ENTREP2: variants seen among roughly 807,000 people sequenced by gnomAD.
The protein encoded by ENTREP2 is endosomal transmembrane epsin interactor 2.
chr15:29,440,987 C>T, the ENTREP2 span, among the ~76,000 whole-genome samples: 1 of 152,142 alleles, frequency 6.6e-6, no homozygotes, highest in Non-Finnish European at 1.5e-5. Flanking sequence ...CCCAAAAGAA[C>T]AAAAGAAGGG....
At chr15:29,646,103 A>G in the ENTREP2 span, among the ~76,000 whole-genome samples, 4 of 152,226 alleles carry the variant, frequency 2.6e-5, no homozygotes, top group Non-Finnish European at 5.9e-5. Context: ...AGGCCATAAG[A>G]GTGCTTGGCT....
chr15:29,406,510 TG>T, the ENTREP2 span, among the ~76,000 whole-genome samples: 4 of 151,980 alleles, frequency 2.6e-5, no homozygotes, highest in Admixed American at 1.3e-4. Context: ...ATCATGCCAC[TG>T]CACTCCAGCC....
At chr15:29,300,423 A>ATGGATGGATGGATGGATGGC in the ENTREP2 span, among the ~76,000 whole-genome samples, 1 of 149,406 alleles carries the variant, frequency 6.7e-6, no homozygotes, top group African/African-American at 2.6e-5. Flanking sequence ...GGATGGATGG[A>ATGGATGGATGGATGGATGGC]TGGATGGATG....
At chr15:29,600,902 C>CCTTTTTTTTTTTTT in the ENTREP2 span, among the ~76,000 whole-genome samples, 5 of 123,616 alleles carry the variant, frequency 4.0e-5, no homozygotes, top group African/African-American at 1.1e-4. Context: ...ATTTTTCTTT[C>CCTTTTTTTTTTTTT]TTTTTTTTTT....
chr15:29,568,403 G>A, the ENTREP2 span, among the ~76,000 whole-genome samples: 2 of 152,156 alleles, frequency 1.3e-5, no homozygotes, highest in African/African-American at 4.8e-5. Context: ...AGAACTAACA[G>A]GTTATAGGTC....
chr15:29,270,932 A>G, the ENTREP2 span, among the ~76,000 whole-genome samples: 52 of 152,346 alleles, frequency 3.4e-4, no homozygotes, highest in African/African-American at 1.2e-3. Flanking sequence ...TTTAATGCAA[A>G]TATATTCAAA....
chr15:29,164,215 TA>T, the ENTREP2 span, among the ~76,000 whole-genome samples: 1,396 of 152,254 alleles, frequency 9.2e-3, 20 homozygotes, highest in African/African-American at 0.031. Flanking sequence ...AGAACCTCTT[TA>T]AAGCATAAAT....
chr15:29,127,505 C>T, the ENTREP2 span, among the ~76,000 whole-genome samples: 1 of 152,320 alleles, frequency 6.6e-6, no homozygotes, highest in African/African-American at 2.4e-5. Context: ...TCCTGTCCGT[C>T]TGTGAGGCAG....
chr15:29,472,016 G>A, the ENTREP2 span, among the ~76,000 whole-genome samples: 3 of 152,160 alleles, frequency 2.0e-5, no homozygotes, highest in Non-Finnish European at 2.9e-5. Context: ...ACAGCAGCAC[G>A]CGGTGGGGGC....
chr15:29,182,480 C>T, the ENTREP2 span, among the ~76,000 whole-genome samples: 23 of 151,896 alleles, frequency 1.5e-4, no homozygotes, highest in African/African-American at 5.3e-4. Context: ...TGATATGACA[C>T]CTAGGAATAT....
At chr15:29,485,534 T>C in the ENTREP2 span, among the ~76,000 whole-genome samples, 3 of 152,148 alleles carry the variant, frequency 2.0e-5, no homozygotes, top group African/African-American at 4.8e-5. Context: ...ATGAGCAACC[T>C]GCAGTCCCTG....
the ENTREP2 span, among the ~76,000 whole-genome samples, chr15:29,217,717 G>A: frequency 2.7e-5 from 4 of 149,920 alleles, no homozygotes; most frequent in Admixed American, 2.6e-4. Context: ...GTGCCTCCCT[G>A]ATTTGTTTAA....
chr15:29,657,338 A>T, the ENTREP2 span, among the ~76,000 whole-genome samples: 1 of 147,030 alleles, frequency 6.8e-6, no homozygotes, highest in Admixed American at 6.7e-5. Context: ...CACCAGTGTT[A>T]CAGCTCTCAA....
At chr15:29,400,851 G>T in the ENTREP2 span, among the ~76,000 whole-genome samples, 4 of 152,242 alleles carry the variant, frequency 2.6e-5, no homozygotes, top group African/African-American at 9.6e-5. Context: ...GACGTGTGAG[G>T]TCGGAGGCTC....
chr15:29,273,326 G>A, the ENTREP2 span, among the ~76,000 whole-genome samples: 3 of 151,242 alleles, frequency 2.0e-5, no homozygotes, highest in African/African-American at 7.3e-5. Context: ...AGCCTCCCGA[G>A]TAGCTAGGAT....
At chr15:29,175,796 C>T in the ENTREP2 span, among the ~76,000 whole-genome samples, 4 of 152,170 alleles carry the variant, frequency 2.6e-5, no homozygotes, top group Admixed American at 6.5e-5. Flanking sequence ...TTAGTAGAGA[C>T]GGGGTTTCAC....
chr15:29,421,990 G>A, the ENTREP2 span, among the ~76,000 whole-genome samples: 1 of 152,096 alleles, frequency 6.6e-6, no homozygotes, highest in Non-Finnish European at 1.5e-5. Context: ...ACATGGGGCC[G>A]GGCACGGTGG....
At chr15:29,366,327 G>A in the ENTREP2 span, among the ~76,000 whole-genome samples, 8 of 152,092 alleles carry the variant, frequency 5.3e-5, no homozygotes, top group Non-Finnish European at 8.8e-5. Context: ...CACCCGCCTC[G>A]GCCTCCCAAA....
chr15:29,586,866 A>G, the ENTREP2 span, among the ~76,000 whole-genome samples: 1 of 152,224 alleles, frequency 6.6e-6, no homozygotes, highest in African/African-American at 2.4e-5. Context: ...TGGGGAAAAC[A>G]TATGTAAAAC....
Sources: gnomAD v4.1 joint callset for allele counts (sites outside exome capture counted in the v4.1 genomes callset) on GRCh38, gnomAD v4.1.1 for gene constraint, MANE v1.5 for transcripts, NCBI Gene and HGNC (gene_info 2026-07-23, HGNC 2026-07-21) for gene names.